The following DCAF1 variants were observed in gnomAD, a reference collection of about 807,000 sequenced individuals.
DCAF1 encodes DDB1- and CUL4-associated factor 1.
DCAF1 carries 15 observed loss-of-function variants against 128.0 expected under a neutral mutation model. The ratio of observed to expected loss-of-function variants is 0.12; its 90% confidence interval spans 0.08 to 0.18. The LOEUF is 0.18. DCAF1 is among the 10% of genes least tolerant of loss of function. The pLI is 1.00. For missense variants in DCAF1, 988 were observed against 1,649.5 expected (o/e 0.60, Z 6.95); for synonymous variants, 610 against 603.0 (o/e 1.01, Z -0.17).
At chr3:51,396,100 A>ATGTT, downstream of DCAF1, 1 of 410,236 alleles carries the variant, frequency 2.4e-6, no homozygotes, top group Non-Finnish European at 4.5e-6. Flanking sequence ...CTGCCTTGGT[A>ATGTT]TGTTGTTAAG....
chr3:51,476,570 C>T (rs563695779), intron 3 of DCAF1, among the ~76,000 whole-genome samples: 25 of 72,712 alleles, frequency 3.4e-4, no homozygotes, highest in Non-Finnish European at 5.7e-4. Context: ...TAAATTATAT[C>T]TCAAAAAAAA....
chr3:51,479,835 TG>T (rs782667336), intron 3 of DCAF1, among the ~76,000 whole-genome samples: 15 of 151,868 alleles, frequency 9.9e-5, no homozygotes, highest in Non-Finnish European at 1.9e-4. Flanking sequence ...TAGTACAATG[TG>T]GTATAATGGG....
At chr3:51,400,083 A>G (rs2089540021) in intron 24 of DCAF1, among the ~76,000 whole-genome samples, 3 of 152,272 alleles carry the variant, frequency 2.0e-5, no homozygotes, top group African/African-American at 7.2e-5. Context: ...GGAAGTAAGC[A>G]AAAGAAATGG....
chr3:51,485,849 T>A (rs1300750589), intron 2 of DCAF1, among the ~76,000 whole-genome samples: 1 of 151,978 alleles, frequency 6.6e-6, no homozygotes, highest in African/African-American at 2.4e-5. Flanking sequence ...ATACCTGCCC[T>A]ACCCCAAAAA....
intron 20 of DCAF1, 127 bp downstream of exon 20, chr3:51,413,823 T>C: frequency 8.3e-7 from 1 of 1,204,008 alleles, no homozygotes. Context: ...CAATTTTTTA[T>C]CTTTTATGTT....
chr3:51,444,143 T>A (rs1176125563), intron 6 of DCAF1, among the ~76,000 whole-genome samples: 1 of 151,788 alleles, frequency 6.6e-6, no homozygotes, highest in Non-Finnish European at 1.5e-5. Context: ...CAGAAAAAAA[T>A]AATTAAAAAA....
At chr3:51,470,853 A>G in intron 4 of DCAF1, 76 bp downstream of exon 4, 1 of 1,127,316 alleles carries the variant, frequency 8.9e-7, no homozygotes, top group Non-Finnish European at 1.2e-6. Flanking sequence ...TTAGAAAAGA[A>G]AAAAAAGACC....
chr3:51,486,452 C>G (rs916509799), intron 2 of DCAF1, among the ~76,000 whole-genome samples: 4 of 151,736 alleles, frequency 2.6e-5, no homozygotes, highest in South Asian at 2.1e-4. Context: ...CCTTAGCCCC[C>G]CAAAGTGCTG....
At chr3:51,474,784 CTTTT>C (rs782363207) in intron 3 of DCAF1, among the ~76,000 whole-genome samples, 3 of 121,802 alleles carry the variant, frequency 2.5e-5, no homozygotes, top group Admixed American at 9.3e-5. Flanking sequence ...GCATGCCTGG[CTTTT>C]TTTTTTTTTT....
rs1699319822 is a variant in DCAF1, at chr3:51,420,775, T to C, written c.2195A>G (p.Asn732Ser). 1 of 1,614,084 alleles carries C rather than the reference T, an allele frequency of 6.2e-7. No homozygotes were observed. The highest frequency in any genetic ancestry group is 8.5e-7 in the Non-Finnish European group (1 of 1,179,904). Reference protein sequence around the residue: ...LAKMWNVVQSNNGIKVLLSLL... With the variant: ...LAKMWNVVQSSNGIKVLLSLL... ...GGACAGGAGCACCTTGATGCCGTTG[T>C]TGGACTGAACCACATTCCACATCTT... The change falls in exon 15 of 25, where the codon AAC becomes AGC. Residue 732 changes from asparagine to serine, a missense_variant. Coordinates refer to ENST00000684031, the MANE Select transcript of DCAF1 (RefSeq NM_001387579.1). This position sits in a 1 kb window ranked among gnomAD's most constrained non-coding sequence, Gnocchi z 6.5.
chr3:51,499,198 G>A (rs1431052627), intron 1 of DCAF1, among the ~76,000 whole-genome samples: 2 of 152,234 alleles, frequency 1.3e-5, no homozygotes, highest in Admixed American at 1.3e-4. Flanking sequence ...CACCCCAGTT[G>A]AAAACTACTA....
downstream of DCAF1, chr3:51,397,104 C>T (rs1392778259): frequency 3.0e-5 from 5 of 167,090 alleles, no homozygotes; most frequent in Non-Finnish European, 7.3e-5. Context: ...ACTTCACAAC[C>T]AAATTTGTCC....
Position 51,429,456 on chromosome 3 carries a change from C to T in DCAF1, c.1482G>A (p.Glu494=), listed in dbSNP as rs782197910. 6 of 780,736 alleles carry T rather than the reference C, an allele frequency of 7.7e-6. No individual in the cohort carries two copies. The East Asian group carries it at 1.5e-4, about 19-fold the overall frequency. 48.4% of individuals were successfully genotyped at this position (780,736 alleles called of 1,614,324 possible). ...CACCCTGATCTTCCAAATTTAGAAT[C>T]TCCAAAGTACTGATCTATTAAGATG... The part of the protein sequence containing the change: ...RRLVNLISTL[E]ILNLEDQGAL... Residue 494 remains glutamate, a synonymous_variant, in exon 12 of 25, where the codon GAG becomes GAA. Coordinates refer to ENST00000684031, the MANE Select transcript of DCAF1 (RefSeq NM_001387579.1).
intron 13 of DCAF1, among the ~76,000 whole-genome samples, chr3:51,425,125 ATTAATT>A (rs1175933872): frequency 6.6e-6 from 1 of 152,248 alleles, no homozygotes; most frequent in African/African-American, 2.4e-5. Context: ...AGAAACATTT[ATTAATT>A]TTATTTCTAA....
At chr3:51,499,591 C>A (rs1339893565) in intron 1 of DCAF1, among the ~76,000 whole-genome samples, 1 of 151,704 alleles carries the variant, frequency 6.6e-6, no homozygotes, top group East Asian at 2.0e-4. Context: ...CACACCCCGC[C>A]CCCCCACTCC....
chr3:51,422,423 G>A lies in DCAF1; in HGVS notation c.1856C>T (p.Thr619Ile). ...NWKTYYARND[T>I]VRFALDVLAI... ...CAGGACATCCAAAGCAAAGCGCACA[G>A]TGTCATTCCTGGACAGGAAGAATTA... is the stretch of plus-strand genomic sequence containing the variant. Residue 619 changes from threonine to isoleucine, a missense_variant, in exon 14 of 25, where the codon ACT becomes ATT. Physicochemically the swap from Thr to Ile is moderately conservative, Grantham distance 89. Around this residue, in one of 11 missense-constraint regions of DCAF1, gnomAD observed 185 missense variants for 248.1 expected, o/e 0.75. Transcript: ENST00000684031. 1 of 722,980 alleles carries A rather than the reference G, an allele frequency of 1.4e-6. No individual in the cohort carries two copies. Among genetic ancestry groups the A allele is most frequent in the South Asian group, 1.5e-5 (1 of 67,774 alleles). 44.8% of individuals were successfully genotyped at this position (722,980 alleles called of 1,614,324 possible).
At position 51,420,298 on chromosome 3, in the gene DCAF1, G is replaced by C. The variant is rs782791554; in HGVS notation, c.2672C>G (p.Thr891Ser). The C allele has an allele frequency of 1.2e-6, 2 of 1,613,918 alleles. No individual in the cohort carries two copies. Among genetic ancestry groups the C allele is most frequent in the African/African-American group, 2.7e-5 (2 of 74,926 alleles). The change falls in exon 15 of 25, where the codon ACT becomes AGT. Residue 891 changes from threonine to serine, a missense_variant. Transcript: ENST00000684031. The surrounding 1 kb of genome is among the most constrained non-coding windows in gnomAD (Gnocchi z 6.5). ...TAGAGAGACAGGAGAAGCAGCAGCAGTGACTGGGGTAAAGGCAGAAGAATG... is the reference window on the plus strand; with the variant it reads ...TAGAGAGACAGGAGAAGCAGCAGCACTGACTGGGGTAAAGGCAGAAGAATG... ...ASHSSAFTPV[T>S]AAASPVSLPR...
chr3:51,403,461 G>A (rs988386868), intron 23 of DCAF1, 66 bp from the exon 24 acceptor site: 31 of 1,527,210 alleles, frequency 2.0e-5, no homozygotes, highest in African/African-American at 5.5e-5. Flanking sequence ...GCCACATGGC[G>A]GGTCGACCAA....
intron 6 of DCAF1, among the ~76,000 whole-genome samples, chr3:51,456,508 G>T (rs1404540717): frequency 6.6e-6 from 1 of 152,224 alleles, no homozygotes; most frequent in Non-Finnish European, 1.5e-5. Flanking sequence ...CAAACAAAAA[G>T]ACAGCAGTAA....
Sources: gnomAD v4.1 joint callset for allele counts (sites outside exome capture counted in the v4.1 genomes callset) on GRCh38, gnomAD v4.1.1 for gene constraint, gnomAD v4.1.1 regional missense constraint, Gnocchi (gnomAD v3.1) non-coding constraint, MANE v1.5 for transcripts, NCBI Gene and HGNC (gene_info 2026-07-23, HGNC 2026-07-21) for gene names.